SHISA9: variants seen among roughly 807,000 people sequenced by gnomAD.
SHISA9 encodes protein shisa-9.
In SHISA9, 13 loss-of-function variants were observed where a neutral mutation model predicts 38.0. The observed-to-expected ratio is 0.34, with a 90% CI of 0.22 to 0.54. The LOEUF (loss-of-function observed/expected upper bound fraction) is 0.54. SHISA9 is among the 20% of genes least tolerant of loss of function. SHISA9 has a pLI of 0.91. For missense variants in SHISA9, 538 were observed against 575.8 expected (o/e 0.93, Z 0.67); for synonymous variants, 275 against 242.0 (o/e 1.14, Z -1.27).
the SHISA9 span, among the ~76,000 whole-genome samples, chr16:13,488,472 TG>T: frequency 6.6e-6 from 1 of 152,226 alleles, no homozygotes; most frequent in East Asian, 1.9e-4. Context: ...TATACATTAC[TG>T]TTGCATATAC....
At chr16:13,546,842 A>G in the SHISA9 span, among the ~76,000 whole-genome samples, 1 of 151,994 alleles carries the variant, frequency 6.6e-6, no homozygotes, top group Non-Finnish European at 1.5e-5. Context: ...TTAAGCCTAA[A>G]ATATTTGCTA....
chr16:13,313,055 A>G, the SHISA9 span, among the ~76,000 whole-genome samples: 1 of 151,362 alleles, frequency 6.6e-6, no homozygotes, highest in Middle Eastern at 3.2e-3. Flanking sequence ...GGAGTTCGAG[A>G]CCATCCCGGC....
intron 2 of SHISA9, among the ~76,000 whole-genome samples, chr16:12,971,482 C>T (rs1342021592): frequency 6.6e-6 from 1 of 152,198 alleles, no homozygotes. Flanking sequence ...GATGAGTCAG[C>T]CACTGAAGCT....
chr16:13,251,916 ACC>A, the SHISA9 span, among the ~76,000 whole-genome samples: 120 of 152,256 alleles, frequency 7.9e-4, no homozygotes, highest in Non-Finnish European at 1.3e-3. Flanking sequence ...AGGAAATGTA[ACC>A]TGTCCACTTC....
intron 1 of SHISA9, among the ~76,000 whole-genome samples, chr16:12,913,233 G>C (rs2071209720): frequency 6.6e-6 from 1 of 152,086 alleles, no homozygotes; most frequent in Non-Finnish European, 1.5e-5. Context: ...TTTCACTCTT[G>C]TTGCCCAGCC....
At chr16:12,919,603 G>A (rs2071302336) in intron 2 of SHISA9, among the ~76,000 whole-genome samples, 1 of 150,506 alleles carries the variant, frequency 6.6e-6, no homozygotes. Context: ...CCAGTGTAGA[G>A]ATCTGGATAT....
At chr16:13,410,309 A>C in the SHISA9 span, among the ~76,000 whole-genome samples, 1 of 152,200 alleles carries the variant, frequency 6.6e-6, no homozygotes, top group Non-Finnish European at 1.5e-5. Context: ...CTTTCCAATC[A>C]ATAGTTTTAT....
At chr16:13,040,998 G>T (rs1183452671) in intron 2 of SHISA9, among the ~76,000 whole-genome samples, 5 of 152,168 alleles carry the variant, frequency 3.3e-5, no homozygotes, top group African/African-American at 4.8e-5. Flanking sequence ...GAGGGTTCCT[G>T]CAGTAGACAC....
At position 13,169,080 on chromosome 16, in the gene SHISA9, C is replaced by T. The variant is rs185683994; in HGVS notation, c.692-34314C>T. 2.6e-5 allele frequency among the ~76,000 whole-genome samples: 4 copies of T among 152,290 alleles called. No homozygotes were observed. In the East Asian group the frequency reaches 7.7e-4, roughly 29 times the overall value. Reference sequence around the variant, plus strand: ...TTCCAACTCTCTGTATACAATGACCCCTACGGAAGACCTCACACCTGTTTC... The same window carrying T: ...TTCCAACTCTCTGTATACAATGACCTCTACGGAAGACCTCACACCTGTTTC... On this transcript the variant is annotated intron_variant, in intron 2 of 4. Coordinates refer to ENST00000558583, the MANE Select transcript of SHISA9 (RefSeq NM_001145204.3).
At chr16:13,191,058 T>G (rs1036632499) in intron 2 of SHISA9, among the ~76,000 whole-genome samples, 2 of 152,208 alleles carry the variant, frequency 1.3e-5, no homozygotes, top group Admixed American at 1.3e-4. Flanking sequence ...TGAGTTGGAT[T>G]GGATACTTCT....
chr16:13,135,755 AGCAAGATAGAT>A (rs1387593350), intron 2 of SHISA9, among the ~76,000 whole-genome samples: 1 of 152,240 alleles, frequency 6.6e-6, no homozygotes, highest in Non-Finnish European at 1.5e-5. Context: ...TAACGCCAAC[AGCAAGATAGAT>A]GCAAGGGCCA....
intron 2 of SHISA9, among the ~76,000 whole-genome samples, chr16:13,188,318 T>G (rs1388177158): frequency 6.6e-6 from 1 of 152,240 alleles, no homozygotes; most frequent in African/African-American, 2.4e-5. Flanking sequence ...CAAAACATTT[T>G]CTTTTTCTCT....
intron 2 of SHISA9, among the ~76,000 whole-genome samples, chr16:13,102,181 C>T (rs150298592): frequency 2.8e-4 from 42 of 152,168 alleles, no homozygotes; most frequent in Admixed American, 4.6e-4. Flanking sequence ...CTACGAGAAC[C>T]GACATGCTCA....
the SHISA9 span, among the ~76,000 whole-genome samples, chr16:13,317,274 C>T: frequency 1.3e-5 from 2 of 152,148 alleles, no homozygotes; most frequent in Non-Finnish European, 2.9e-5. Flanking sequence ...TAAGAATCTG[C>T]ATTAGCCAAT....
Position 13,203,461 on chromosome 16 carries a change from G to C in SHISA9, c.759G>C (p.Ser253=). The C allele has an allele frequency of 6.4e-7, 1 of 1,550,978 alleles. No individual in the cohort carries two copies. The highest frequency in any genetic ancestry group is 8.7e-7 in the Non-Finnish European group (1 of 1,146,616). ...TCCAGCAGATGGGCCATCCACATTC[G>C]TACCCGAACCTGGGCCAGATCTCCA... ...PLLQQMGHPH[S]YPNLGQISNP... The change falls in exon 3 of 5, where the codon TCG becomes TCC. Residue 253 remains serine (S), a synonymous_variant. Coordinates refer to ENST00000558583, the MANE Select transcript of SHISA9 (RefSeq NM_001145204.3).
At chr16:13,081,188 T>C (rs904703987) in intron 2 of SHISA9, among the ~76,000 whole-genome samples, 2 of 152,230 alleles carry the variant, frequency 1.3e-5, no homozygotes, top group African/African-American at 2.4e-5. Flanking sequence ...GTTTTTGCTG[T>C]ACCTAGGGAT....
At chr16:13,426,001 C>T in the SHISA9 span, among the ~76,000 whole-genome samples, 1 of 152,154 alleles carries the variant, frequency 6.6e-6, no homozygotes, top group Admixed American at 6.5e-5. Context: ...GGTAAGCTAA[C>T]GAACAGGAAA....
At chr16:13,211,187 C>T (rs923211377) in intron 3 of SHISA9, among the ~76,000 whole-genome samples, 2 of 152,072 alleles carry the variant, frequency 1.3e-5, no homozygotes, top group South Asian at 4.2e-4. Context: ...ACCTCACCTA[C>T]TTGGGAGGCT....
chr16:13,440,193 G>T, the SHISA9 span, among the ~76,000 whole-genome samples: 5 of 152,300 alleles, frequency 3.3e-5, no homozygotes, highest in Admixed American at 6.5e-5. Context: ...GGGGTGGAAG[G>T]TTCATTCTGA....
Sources: gnomAD v4.1 joint callset for allele counts (sites outside exome capture counted in the v4.1 genomes callset) on GRCh38, gnomAD v4.1.1 for gene constraint, MANE v1.5 for transcripts, NCBI Gene and HGNC (gene_info 2026-07-23, HGNC 2026-07-21) for gene names.